The following PTGES3L variants were observed in gnomAD, a reference collection of about 807,000 sequenced individuals.
PTGES3L encodes the protein prostaglandin E synthase 3 like, also known as putative protein PTGES3L.
PTGES3L carries 17 observed loss-of-function variants against 25.0 expected under a neutral mutation model. The observed-to-expected ratio is 0.68, with a 90% CI of 0.47 to 1.02. The LOEUF (loss-of-function observed/expected upper bound fraction) is 1.02, where lower values mean the gene tolerates loss of function less well. Among genes scored for constraint, PTGES3L ranks in the 50% least tolerant of loss-of-function variants. PTGES3L has a pLI of 0.00. For missense variants in PTGES3L, 202 were observed against 197.5 expected, an observed-to-expected ratio of 1.02 and a Z score of -0.14; for synonymous variants, 59 against 65.7, an observed-to-expected ratio of 0.90 and a Z score of 0.50.
At chr17:42,972,779 G>A (rs1190169376) in intron 4 of PTGES3L, among the ~76,000 whole-genome samples, 1 of 150,074 alleles carries the variant, frequency 6.7e-6, no homozygotes, top group Non-Finnish European at 1.5e-5. Flanking sequence ...CTGCCTGGCC[G>A]CCCATCGTCT....
chr17:42,969,777 G>A (rs976999803), intron 6 of PTGES3L, among the ~76,000 whole-genome samples: 3 of 151,968 alleles, frequency 2.0e-5, no homozygotes, highest in Non-Finnish European at 4.4e-5. Context: ...GAAACAGAGG[G>A]GTAGATGGAA....
At chr17:42,978,009 C>T (rs1394747565) in intron 4 of PTGES3L, among the ~76,000 whole-genome samples, 3 of 117,930 alleles carry the variant, frequency 2.5e-5, no homozygotes, top group East Asian at 3.0e-4. Context: ...ATCTGGGAGG[C>T]GGAGGTGTAG....
rs1555566305 is a variant in PTGES3L, at chr17:42,978,100, A to AC, written c.288+1069dup. On this transcript the variant is annotated intron_variant, in intron 4 of 6. Transcript: ENST00000591916. ...ATCAAAAAAAAAAAAAAAAAAAAAAACAGAAAGAAAAAAGAAAAAGAAATG... is the reference window on the plus strand; with the variant it reads ...ATCAAAAAAAAAAAAAAAAAAAAAAACCAGAAAGAAAAAAGAAAAAGAAATG... 1.2e-3 allele frequency among the ~76,000 whole-genome samples: 168 copies of AC among 142,420 alleles called. 1 individual carries two copies. Among genetic ancestry groups the AC allele is most frequent in the African/African-American group, 4.2e-3 (163 of 38,506 alleles). The allele number at this position is 142,420 out of a possible 152,430, so 93.4% of individuals were successfully genotyped here.
intron 4 of PTGES3L, among the ~76,000 whole-genome samples, chr17:42,977,174 C>CCAGCACTT (rs764608214): frequency 1.7e-4 from 26 of 152,172 alleles, no homozygotes; most frequent in Non-Finnish European, 3.1e-4. Flanking sequence ...ACCTGTAATC[C>CCAGCACTT]CAGCACTTTG....
intron 4 of PTGES3L, among the ~76,000 whole-genome samples, chr17:42,973,226 C>G (rs865994885): frequency 1.5e-5 from 2 of 131,928 alleles, no homozygotes; most frequent in Non-Finnish European, 3.3e-5. Context: ...CCAGCCGCCC[C>G]GTCCGGGAGG....
rs765177675 is a variant in PTGES3L, at chr17:42,979,159, C to A, written c.288+11G>T. 6.2e-7 allele frequency: 1 copy of A among 1,614,138 alleles called. No homozygotes were observed. The highest frequency in any genetic ancestry group is 8.5e-7 in the Non-Finnish European group (1 of 1,180,020). ...TGGAGAGAAGAAGCAGGCCACTTTC[C>A]ACACACCCACCTTGATATCCTCCTT... On this transcript the variant is annotated intron_variant, in intron 4 of 6. Transcript: ENST00000591916.
intron 5 of PTGES3L, 85 bp downstream of exon 5, chr17:42,971,522 C>G (rs1391009209): frequency 6.7e-7 from 1 of 1,484,446 alleles, no homozygotes; most frequent in African/African-American, 1.4e-5. Flanking sequence ...CTGCTTGGCC[C>G]CAGTGACAAT....
intron 1 of PTGES3L, 105 bp downstream of exon 1, chr17:42,979,941 G>C: frequency 6.9e-7 from 1 of 1,456,946 alleles, no homozygotes; most frequent in Non-Finnish European, 9.0e-7. Flanking sequence ...CCAGGGGTCC[G>C]GGGCTCCCGT....
At position 42,969,201 on chromosome 17, in the gene PTGES3L, GAA is replaced by G. The variant is rs372902883; in HGVS notation, c.433-17_433-16del. The G allele has an allele frequency of 3.4e-4, 461 of 1,364,808 alleles. 4 individuals carry two copies. The African/African-American group carries it at 6.6e-3, about 20-fold the overall frequency. The allele number at this position is 1,364,808 out of a possible 1,614,324, so 84.5% of individuals were successfully genotyped here. A position where few individuals can be genotyped will look rare whatever the true frequency, so the allele number is the denominator to read the frequency against. On this transcript the variant is annotated splice_polypyrimidine_tract_variant and intron_variant, in intron 6 of 6. Transcript: ENST00000591916. ...TCAGAATCATCCTGGGGGCGGGGGG[GAA>G]AAAAGACAAAGCACCTGTAGACCCT...
chr17:42,969,825 G>A (rs983878870), intron 6 of PTGES3L, among the ~76,000 whole-genome samples: 1 of 151,882 alleles, frequency 6.6e-6, no homozygotes, highest in Non-Finnish European at 1.5e-5. Context: ...AAAGCCTGGA[G>A]AAGAATATTA....
chr17:42,979,513 C>A (rs2050033794), intron 2 of PTGES3L, 37 bp downstream of exon 2: 1 of 1,613,990 alleles, frequency 6.2e-7, no homozygotes, highest in African/African-American at 1.3e-5. Flanking sequence ...GGGGTAGATT[C>A]CTGGGAAGCC....
In PTGES3L at chr17:42,979,800, G is replaced by A. The variant is rs529876215; in HGVS notation, c.9-137C>T. ...TAAATGAGACAGAAGGGGTGAAAGG[G>A]AAGGGAATGACAGGAGTGGGTGGGT... On this transcript the variant is annotated intron_variant, in intron 1 of 6. Coordinates refer to ENST00000591916, the MANE Select transcript of PTGES3L (RefSeq NM_001261430.2). 49 of 1,428,820 alleles carry A rather than the reference G, an allele frequency of 3.4e-5. 1 individual carries two copies. The South Asian group carries it at 6.4e-4, about 19-fold the overall frequency. The allele number at this position is 1,428,820 out of a possible 1,614,324, so 88.5% of individuals were successfully genotyped here. A position where few individuals can be genotyped will look rare whatever the true frequency, so the allele number is the denominator to read the frequency against.
intron 4 of PTGES3L, among the ~76,000 whole-genome samples, chr17:42,973,700 C>T (rs1042571181): frequency 4.0e-5 from 6 of 148,650 alleles, no homozygotes; most frequent in Non-Finnish European, 7.5e-5. Context: ...TTACCCCCAA[C>T]CCTGTGCTCT....
chr17:42,970,342 G>C lies in PTGES3L; in HGVS notation c.379C>G (p.Leu127Val), dbSNP rs764244539. The C allele has an allele frequency of 1.9e-6, 3 of 1,613,626 alleles. No individual in the cohort carries two copies. The Admixed American group carries it at 5.0e-5, about 27-fold the overall frequency. The stretch of plus-strand genomic sequence containing the variant: ...CTCTTGGTGCTGACCTTCTTCAAAA[G>C]CTAGTGGGAAGAAAAAATAATCACA... ...ELAHVEHYAE[L>V]LKKVSTKRPP... Residue 127 changes from leucine (L) to valine (V), a missense_variant and splice_region_variant, in exon 6 of 7, where the codon CTT (leucine) becomes GTT (valine). Physicochemically the swap from Leu to Val is conservative, Grantham distance 32. Transcript: ENST00000591916.
At chr17:42,972,453 C>A (rs2151948385) in intron 4 of PTGES3L, among the ~76,000 whole-genome samples, 1 of 151,714 alleles carries the variant, frequency 6.6e-6, no homozygotes, top group East Asian at 2.0e-4. Flanking sequence ...CTGCCTCAGC[C>A]TGCCGAGTGC....
chr17:42,978,086 A>AAAC (rs2049993656), intron 4 of PTGES3L, among the ~76,000 whole-genome samples: 2 of 149,824 alleles, frequency 1.3e-5, no homozygotes, highest in East Asian at 1.9e-4. Flanking sequence ...TCAAAAAAAA[A>AAAC]AAAAAAAAAA....
In PTGES3L at chr17:42,969,015, GCTT is replaced by G. The variant is rs2049781170; in HGVS notation, c.*130_*132del. On this transcript the variant is annotated 3_prime_UTR_variant, in exon 7 of 7. Transcript: ENST00000591916. ...CTTGAAGGACGACCCTTAATAAAGA[GCTT>G]CTAGGAAAGTTCAGAGATCTCAGAA... 9.4e-6 allele frequency: 6 copies of G among 636,252 alleles called. No individual in the cohort carries two copies. The South Asian group carries it at 1.3e-4, about 14-fold the overall frequency. 39.4% of individuals were successfully genotyped at this position (636,252 alleles called of 1,614,324 possible).
At chr17:42,972,386 G>A (rs1270074706) in intron 4 of PTGES3L, among the ~76,000 whole-genome samples, 5 of 139,956 alleles carry the variant, frequency 3.6e-5, no homozygotes, top group Admixed American at 1.5e-4. Flanking sequence ...ATGCGGAGCC[G>A]AAGCTGGACT....
chr17:42,977,889 G>A (rs1256657009), intron 4 of PTGES3L, among the ~76,000 whole-genome samples: 5 of 151,014 alleles, frequency 3.3e-5, no homozygotes, highest in African/African-American at 1.2e-4. Context: ...GACCAGCCTG[G>A]CCAACATGTT....
Sources: gnomAD v4.1 joint callset for allele counts (sites outside exome capture counted in the v4.1 genomes callset) on GRCh38, gnomAD v4.1.1 for gene constraint, MANE v1.5 for transcripts, NCBI Gene and HGNC (gene_info 2026-07-23, HGNC 2026-07-21) for gene names.